The following MPZL1 variants were observed in gnomAD, a reference collection of about 807,000 sequenced individuals.
MPZL1 encodes myelin protein zero-like protein 1.
Under a neutral mutation model 29.3 loss-of-function variants are expected in MPZL1, and 16 were observed. The observed-to-expected ratio is 0.55, with a 90% CI of 0.37 to 0.83. The LOEUF (loss-of-function observed/expected upper bound fraction) is 0.83. Ranked by LOEUF, MPZL1 falls within the 40% of genes least tolerant of loss-of-function variation. MPZL1 has a pLI of 0.00. For synonymous variants in MPZL1, 143 were observed against 132.0 expected, an observed-to-expected ratio of 1.08 and a Z score of -0.57; for missense variants, 279 against 332.9, an observed-to-expected ratio of 0.84 and a Z score of 1.26.
In MPZL1 at chr1:167,754,670, G is replaced by A. The variant is rs1476072; in HGVS notation, c.92-10913G>A. 6.1e-4 allele frequency among the ~76,000 whole-genome samples: 93 copies of A among 151,838 alleles called. No individual in the cohort carries two copies. The East Asian group carries it at 9.1e-3, about 15-fold the overall frequency. On this transcript the variant is annotated intron_variant, in intron 1 of 5. Transcript: ENST00000359523. ...TCAAATGCCAGGCAAGGTGTGGCTC[G>A]TCTGCTTCAGGCATGGTCTTATTGT...
intron 1 of MPZL1, among the ~76,000 whole-genome samples, chr1:167,731,277 A>G (rs1248273511): frequency 4.6e-5 from 7 of 151,516 alleles, no homozygotes; most frequent in Admixed American, 4.6e-4. Flanking sequence ...TCTACTAATA[A>G]TGGAAAAAAT....
chr1:167,776,117 C>T lies in MPZL1; in HGVS notation c.659C>T (p.Pro220Leu), dbSNP rs1271154547. The part of the protein sequence containing the change: ...SPVKQAPRKS[P>L]SDTEGLVKSL... Reference sequence around the variant, plus strand: ...GTTAAGCAGGCTCCTCGGAAGTCCCCCTCCGACACTGAGGGTCTTGTAAAG... The same window carrying T: ...GTTAAGCAGGCTCCTCGGAAGTCCCTCTCCGACACTGAGGGTCTTGTAAAG... The change falls in exon 5 of 6, where the codon CCC (proline) becomes CTC (leucine). Residue 220 changes from proline to leucine, a missense_variant. Transcript: ENST00000359523. 6.2e-7 allele frequency: 1 copy of T among 1,612,696 alleles called. No individual in the cohort carries two copies. The highest frequency in any genetic ancestry group is 1.3e-5 in the African/African-American group (1 of 74,938).
chr1:167,722,412 C>T (rs981851662), intron 1 of MPZL1, among the ~76,000 whole-genome samples, 170 bp downstream of exon 1: 3 of 152,230 alleles, frequency 2.0e-5, no homozygotes, highest in African/African-American at 7.2e-5. Flanking sequence ...GGAACGCGGG[C>T]CTCCGCGACT....
chr1:167,750,259 GC>G (rs1330870660), intron 1 of MPZL1, among the ~76,000 whole-genome samples: 2 of 151,924 alleles, frequency 1.3e-5, no homozygotes, highest in East Asian at 3.9e-4. Context: ...GGAGTGCAAT[GC>G]CGCGATCTCA....
intron 1 of MPZL1, among the ~76,000 whole-genome samples, chr1:167,726,617 G>A (rs1660150307): frequency 6.6e-6 from 1 of 152,164 alleles, no homozygotes; most frequent in South Asian, 2.1e-4. Context: ...GTGATTTCAT[G>A]CACTGCTTAT....
At chr1:167,762,375 A>T (rs544259927) in intron 1 of MPZL1, among the ~76,000 whole-genome samples, 23 of 152,186 alleles carry the variant, frequency 1.5e-4, no homozygotes, top group Non-Finnish European at 2.9e-4. Flanking sequence ...CAAAGAATGA[A>T]CTGCGAATTG....
chr1:167,773,264 A>G lies in MPZL1; in HGVS notation c.501A>G (p.Val167=). 1 of 1,613,420 alleles carries G rather than the reference A, an allele frequency of 6.2e-7. No homozygotes were observed. Among genetic ancestry groups the G allele is most frequent in the Non-Finnish European group, 8.5e-7 (1 of 1,179,418 alleles). ...ATTTGCCTGTGTTTCCAGTTTGGGT[A>G]GTGGTGGGCATAGTTACTGCTGTGG... ...KENLPVFPVW[V]VVGIVTAVVL... is the part of the protein sequence containing the mutation. The change falls in exon 4 of 6, where the codon GTA becomes GTG. Residue 167 remains valine (V), a synonymous_variant. Transcript: ENST00000359523.
At chr1:167,772,984 G>A (rs545977300) in intron 3 of MPZL1, among the ~76,000 whole-genome samples, 3 of 152,064 alleles carry the variant, frequency 2.0e-5, no homozygotes, top group Non-Finnish European at 2.9e-5. Flanking sequence ...TCACACCTCC[G>A]GTTTTTCTTT....
At chr1:167,742,810 A>G (rs1372380846) in intron 1 of MPZL1, among the ~76,000 whole-genome samples, 3 of 152,078 alleles carry the variant, frequency 2.0e-5, no homozygotes, top group African/African-American at 7.2e-5. Flanking sequence ...TGATTTTTGT[A>G]TAAGGTGAGA....
rs528576336 is a variant in MPZL1, at chr1:167,727,271, G to A, written c.91+5029G>A. Among the ~76,000 whole-genome samples the A allele has an allele frequency of 4.6e-5, 7 of 152,258 alleles. No individual in the cohort carries two copies. The East Asian group carries it at 1.2e-3, about 25-fold the overall frequency. On this transcript the variant is annotated intron_variant, in intron 1 of 5. Coordinates refer to ENST00000359523, the MANE Select transcript of MPZL1 (RefSeq NM_003953.6). ...TCACCATCCACTTTGCATCCACACTGGAGCTAATATAGTACAGCCACAGTC... is the reference window on the plus strand; with the variant it reads ...TCACCATCCACTTTGCATCCACACTAGAGCTAATATAGTACAGCCACAGTC...
chr1:167,756,962 G>T (rs1429243825), intron 1 of MPZL1, among the ~76,000 whole-genome samples: 1 of 152,186 alleles, frequency 6.6e-6, no homozygotes, highest in Non-Finnish European at 1.5e-5. Context: ...AGTCCCTTGA[G>T]ATTAAGGCCT....
intron 1 of MPZL1, among the ~76,000 whole-genome samples, chr1:167,762,976 C>T (rs747201596): frequency 9.2e-5 from 14 of 152,154 alleles, no homozygotes; most frequent in Admixed American, 1.3e-4. Flanking sequence ...AAGAGCTACA[C>T]GTTCAGATTA....
intron 4 of MPZL1, 83 bp downstream of exon 4, chr1:167,773,451 A>G: frequency 7.0e-7 from 1 of 1,426,084 alleles, no homozygotes; most frequent in Admixed American, 2.5e-5. Flanking sequence ...TGAAAAAAGG[A>G]TTTTAAAGAA....
rs553716699 is a variant in MPZL1 at position 167,775,887 on chromosome 1, C to T, written c.606-177C>T. Among the ~76,000 whole-genome samples the T allele has an allele frequency of 9.2e-5, 14 of 152,264 alleles. No homozygotes were observed. In the South Asian group the frequency reaches 2.5e-3, roughly 27 times the overall value. On this transcript the variant is annotated intron_variant, in intron 4 of 5. Transcript: ENST00000359523. ...TTGACTTAGAAGAATGAGTGAGTGTCAGGTATAGAAAATAGTTTAAAAACA... is the reference window on the plus strand; with the variant it reads ...TTGACTTAGAAGAATGAGTGAGTGTTAGGTATAGAAAATAGTTTAAAAACA...
chr1:167,741,073 G>C (rs1660511422), intron 1 of MPZL1, among the ~76,000 whole-genome samples: 1 of 152,168 alleles, frequency 6.6e-6, no homozygotes, highest in Non-Finnish European at 1.5e-5. Flanking sequence ...CTCAAGTGCA[G>C]TAGTGTAATC....
chr1:167,781,548 T>C (rs1661496633), intron 5 of MPZL1, among the ~76,000 whole-genome samples: 1 of 152,038 alleles, frequency 6.6e-6, no homozygotes, highest in Non-Finnish European at 1.5e-5. Flanking sequence ...AAATAACATA[T>C]CAAAATTTGT....
rs576706264 is a variant in MPZL1, at chr1:167,725,056, A to G, written c.91+2814A>G. On this transcript the variant is annotated intron_variant, in intron 1 of 5. Coordinates refer to ENST00000359523, the MANE Select transcript of MPZL1 (RefSeq NM_003953.6). Reference sequence around the variant, plus strand: ...ACATAGTATATGAGGACTAAATCTCAGTAATTTGTACCATCCATGTCAGTA... The same window carrying G: ...ACATAGTATATGAGGACTAAATCTCGGTAATTTGTACCATCCATGTCAGTA... Among the ~76,000 whole-genome samples the G allele has an allele frequency of 1.1e-3, 166 of 152,342 alleles. 1 individual carries two copies. Among genetic ancestry groups the G allele is most frequent in the Non-Finnish European group, 1.4e-3 (92 of 68,038 alleles).
At chr1:167,746,354 T>G (rs188775762) in intron 1 of MPZL1, among the ~76,000 whole-genome samples, 7,007 of 151,430 alleles carry the variant, frequency 0.046, 538 homozygotes, top group African/African-American at 0.16. Flanking sequence ...GAGCCAGCCT[T>G]TGAAAGGCTC....
intron 1 of MPZL1, among the ~76,000 whole-genome samples, chr1:167,740,730 C>T (rs1252849346): frequency 1.3e-5 from 2 of 152,236 alleles, no homozygotes; most frequent in African/African-American, 4.8e-5. Context: ...ATCAGACCTG[C>T]ATATCCGGTT....
Sources: gnomAD v4.1 joint callset for allele counts (sites outside exome capture counted in the v4.1 genomes callset) on GRCh38, gnomAD v4.1.1 for gene constraint, MANE v1.5 for transcripts, NCBI Gene and HGNC (gene_info 2026-07-23, HGNC 2026-07-21) for gene names.